PSAT1: variants seen among roughly 807,000 people sequenced by gnomAD.
PSAT1 encodes the protein phosphoserine aminotransferase.
A neutral mutation model predicts 40.3 loss-of-function variants in PSAT1; 41 were observed. The observed-to-expected ratio is 1.02, with a 90% CI of 0.79 to 1.32. The LOEUF (loss-of-function observed/expected upper bound fraction) is 1.32. PSAT1 is among the 40% of genes most tolerant of loss of function. The probability of loss-of-function intolerance (pLI) is 0.00; values close to 1 mark genes in which losing one functional copy is unlikely to be tolerated. For missense variants in PSAT1, 406 were observed against 455.8 expected, an observed-to-expected ratio of 0.89 and a Z score of 0.99; for synonymous variants, 147 against 170.5, an observed-to-expected ratio of 0.86 and a Z score of 1.07.
At chr9:78,324,464 C>G (rs1381878071) in intron 7 of PSAT1, among the ~76,000 whole-genome samples, 1 of 152,112 alleles carries the variant, frequency 6.6e-6, no homozygotes, top group African/African-American at 2.4e-5. Flanking sequence ...CATAGCCTCT[C>G]AGTCTGCCTT....
intron 6 of PSAT1, 21 bp from the exon 7 acceptor site, chr9:78,317,655 T>G (rs1359442909): frequency 3.1e-6 from 5 of 1,612,296 alleles, no homozygotes; most frequent in Middle Eastern, 1.7e-4. Flanking sequence ...TAAACGGATT[T>G]TTTAAAAATC....
At chr9:78,318,567 G>T (rs1219420417) in intron 7 of PSAT1, among the ~76,000 whole-genome samples, 1 of 152,166 alleles carries the variant, frequency 6.6e-6, no homozygotes, top group Non-Finnish European at 1.5e-5. Flanking sequence ...GCCTCCTTTA[G>T]ATTCTAGTGG....
chr9:78,317,950 C>G, intron 7 of PSAT1, 146 bp downstream of exon 7: 2 of 1,034,238 alleles, frequency 1.9e-6, no homozygotes, highest in Admixed American at 3.7e-5. Context: ...GCCCCATGAG[C>G]AGGGGAGTGG....
chr9:78,326,955 A>T (rs11998878), intron 7 of PSAT1, among the ~76,000 whole-genome samples: 6,383 of 76,104 alleles, frequency 0.084, 486 homozygotes, highest in African/African-American at 0.15. Context: ...ATATATATAT[A>T]TTTTTTTTTT....
At chr9:78,298,411 A>G in intron 1 of PSAT1, 2 of 985,378 alleles carry the variant, frequency 2.0e-6, no homozygotes, top group South Asian at 9.4e-5. Flanking sequence ...AGAACAGAGA[A>G]TCCAATTTTA....
At chr9:78,318,485 C>T (rs567724906) in intron 7 of PSAT1, among the ~76,000 whole-genome samples, 10 of 152,162 alleles carry the variant, frequency 6.6e-5, no homozygotes, top group Non-Finnish European at 1.5e-4. Flanking sequence ...AACTGATTCT[C>T]ACTCTTCTGG....
intron 3 of PSAT1, 128 bp from the exon 4 acceptor site, chr9:78,304,607 G>A (rs1357356057): frequency 2.3e-6 from 2 of 873,824 alleles, no homozygotes; most frequent in Non-Finnish European, 3.8e-6. Context: ...AGACAAAGTA[G>A]TATTGTAACA....
chr9:78,326,353 T>G (rs1419148384), intron 7 of PSAT1, among the ~76,000 whole-genome samples: 1 of 152,182 alleles, frequency 6.6e-6, no homozygotes, highest in African/African-American at 2.4e-5. Context: ...ATGTCAGCTA[T>G]TCTTCCATTT....
At chr9:78,325,993 C>T (rs971658661) in intron 7 of PSAT1, among the ~76,000 whole-genome samples, 4 of 152,122 alleles carry the variant, frequency 2.6e-5, no homozygotes, top group Non-Finnish European at 4.4e-5. Context: ...CATTGGGAGC[C>T]TGAGGCAGTG....
At chr9:78,327,993 G>C (rs1381061880) in intron 7 of PSAT1, 58 bp from the exon 8 acceptor site, 3 of 1,567,978 alleles carry the variant, frequency 1.9e-6, no homozygotes, top group South Asian at 2.2e-5. Context: ...CTGTTGATTT[G>C]TTTATGACAA....
At chr9:78,320,485 A>G (rs955922154) in intron 7 of PSAT1, among the ~76,000 whole-genome samples, 2 of 147,756 alleles carry the variant, frequency 1.4e-5, no homozygotes, top group African/African-American at 5.0e-5. Flanking sequence ...CCTTCCACCT[A>G]TCTACCCATC....
intron 5 of PSAT1, 22 bp downstream of exon 5, chr9:78,306,508 G>T (rs1489552400): frequency 6.2e-7 from 1 of 1,614,084 alleles, no homozygotes; most frequent in South Asian, 1.1e-5. Flanking sequence ...AAGGCAGGGT[G>T]AGGGGAACCC....
Position 78,306,415 on chromosome 9 carries a change from G to T in PSAT1, c.499G>T (p.Asp167Tyr), listed in dbSNP as rs767197857. The part of the protein sequence containing the change: ...VHGVEFDFIP[D>Y]VKGAVLVCDM... Reference sequence around the variant, plus strand: ...TGGTGTGGAGTTTGACTTTATACCCGATGTCAAGGGAGCAGTACTGGTTTG... The same window carrying T: ...TGGTGTGGAGTTTGACTTTATACCCTATGTCAAGGGAGCAGTACTGGTTTG... Residue 167 changes from aspartate to tyrosine, a missense_variant, in exon 5 of 9, where the codon GAT becomes TAT. Physicochemically the swap from Asp to Tyr is radical, Grantham distance 160 (BLOSUM62 -3). Coordinates refer to ENST00000376588, the MANE Select transcript of PSAT1 (RefSeq NM_058179.4). 1.9e-6 allele frequency: 3 copies of T among 1,614,114 alleles called. No individual in the cohort carries two copies. The highest frequency in any genetic ancestry group is 2.5e-6 in the Non-Finnish European group (3 of 1,180,028).
intron 5 of PSAT1, among the ~76,000 whole-genome samples, chr9:78,307,894 A>G (rs2039322): frequency 0.31 from 46,809 of 151,818 alleles, 7,517 homozygotes; most frequent in East Asian, 0.45. Flanking sequence ...ACAAAAATTC[A>G]CTGGGCATGG....
At chr9:78,325,970 G>C (rs576146949) in intron 7 of PSAT1, among the ~76,000 whole-genome samples, 1 of 152,210 alleles carries the variant, frequency 6.6e-6, no homozygotes, top group South Asian at 2.1e-4. Context: ...CCACCTCTCT[G>C]ATTGGAGCCT....
intron 7 of PSAT1, among the ~76,000 whole-genome samples, chr9:78,322,995 G>A (rs946386664): frequency 9.2e-5 from 14 of 152,200 alleles, no homozygotes; most frequent in Non-Finnish European, 1.5e-4. Context: ...GGATTTTGAT[G>A]TCTACAGATT....
chr9:78,319,578 T>C (rs1388268805), intron 7 of PSAT1, among the ~76,000 whole-genome samples: 1 of 152,246 alleles, frequency 6.6e-6, no homozygotes, highest in Non-Finnish European at 1.5e-5. Flanking sequence ...CTGTGCTCAC[T>C]GAAGCCATTT....
intron 7 of PSAT1, among the ~76,000 whole-genome samples, chr9:78,324,893 C>A (rs1828475275): frequency 6.6e-6 from 1 of 152,114 alleles, no homozygotes; most frequent in Non-Finnish European, 1.5e-5. Flanking sequence ...AGTTTGCCGC[C>A]CATGCTTGAA....
Position 78,306,474 on chromosome 9 carries a change from G to A in PSAT1, c.558G>A (p.Val186=). 4 of 1,614,204 alleles carry A rather than the reference G, an allele frequency of 2.5e-6. No homozygotes were observed. Among genetic ancestry groups the A allele is most frequent in the Non-Finnish European group, 3.4e-6 (4 of 1,180,042 alleles). The change falls in exon 5 of 9, where the codon GTG becomes GTA. Residue 186 remains valine, a synonymous_variant. Transcript: ENST00000376588. ...DMSSNFLSKP[V]DVSKFGVIFA... is the part of the protein sequence containing the mutation. ...CCTCAAACTTCCTGTCCAAGCCAGT[G>A]GATGTTTCCAAGGTAGAGTATAAAA... is the stretch of plus-strand genomic sequence containing the variant.
Sources: allele counts gnomAD v4.1 joint callset (sites outside exome capture counted in the v4.1 genomes callset), GRCh38; gene constraint gnomAD v4.1.1; transcripts MANE v1.5; gene names NCBI Gene and HGNC (gene_info 2026-07-23, HGNC 2026-07-21).